PIEZO2: variants seen among roughly 807,000 people sequenced by gnomAD.
PIEZO2 encodes the protein piezo-type mechanosensitive ion channel component 2.
In PIEZO2, 172 loss-of-function variants were observed where a neutral mutation model predicts 337.3. The ratio of observed to expected loss-of-function variants is 0.51; its 90% confidence interval spans 0.45 to 0.58. PIEZO2 has a LOEUF of 0.58. PIEZO2 is among the 20% of genes least tolerant of loss of function. The probability of loss-of-function intolerance (pLI) is 0.00; values close to 1 mark genes in which losing one functional copy is unlikely to be tolerated. For synonymous variants in PIEZO2, 1,251 were observed against 1,228.5 expected (o/e 1.02, Z -0.38); for missense variants, 3,028 against 3,391.3 (o/e 0.89, Z 2.66).
intron 2 of PIEZO2, among the ~76,000 whole-genome samples, chr18:11,062,481 A>C (rs2038001054): frequency 6.6e-6 from 1 of 152,238 alleles, no homozygotes. Context: ...CAACCTACAA[A>C]ATGGGAGAAA....
At chr18:10,703,718 C>T (rs1367021286) in intron 42 of PIEZO2, among the ~76,000 whole-genome samples, 2 of 151,774 alleles carry the variant, frequency 1.3e-5, no homozygotes, top group African/African-American at 2.4e-5. Flanking sequence ...CATGGGCATT[C>T]GTGATCCTGT....
intron 2 of PIEZO2, among the ~76,000 whole-genome samples, chr18:11,052,240 A>C (rs907315171): frequency 6.6e-6 from 1 of 152,230 alleles, no homozygotes. Context: ...GAACCTCTCC[A>C]GATTAATCTC....
At chr18:10,880,548 C>CT (rs2042382506) in intron 4 of PIEZO2, among the ~76,000 whole-genome samples, 1 of 151,968 alleles carries the variant, frequency 6.6e-6, no homozygotes, top group Non-Finnish European at 1.5e-5. Context: ...CAAAGAACAA[C>CT]TTTTGGGGGC....
At chr18:11,023,241 A>T (rs2584745) in intron 2 of PIEZO2, among the ~76,000 whole-genome samples, 75,624 of 151,882 alleles carry the variant, frequency 0.5, 19,085 homozygotes, top group African/African-American at 0.58. Flanking sequence ...CCCACCCACA[A>T]CCTGCTGATT....
In PIEZO2 at chr18:11,048,863, C is replaced by T. The variant is rs935793242; in HGVS notation, c.160+17264G>A. Among the ~76,000 whole-genome samples, 13 of 152,264 alleles carry T rather than the reference C, an allele frequency of 8.5e-5. No individual in the cohort carries two copies. In the East Asian group the frequency reaches 1.9e-3, roughly 23 times the overall value. ...TATTCTTCTTATAATTAATAATCTGCACTTTTTGAAAGTTAAATATAAATT... is the reference window on the plus strand; with the variant it reads ...TATTCTTCTTATAATTAATAATCTGTACTTTTTGAAAGTTAAATATAAATT... On this transcript the variant is annotated intron_variant, in intron 2 of 55. Coordinates refer to ENST00000674853, the MANE Select transcript of PIEZO2 (RefSeq NM_001378183.1). This position sits in a 1 kb window ranked among gnomAD's most constrained non-coding sequence, Gnocchi z 4.5.
Position 11,056,707 on chromosome 18 carries a change from T to A in PIEZO2, c.160+9420A>T, listed in dbSNP as rs1026626672. On this transcript the variant is annotated intron_variant, in intron 2 of 55. Coordinates refer to ENST00000674853, the MANE Select transcript of PIEZO2 (RefSeq NM_001378183.1). ...TCAAGAACGAGGGCCATCCAGGAGC[T>A]GCTAGACCTTCAGGAGAAGGTCCAG... Among the ~76,000 whole-genome samples, 6 of 152,098 alleles carry A rather than the reference T, an allele frequency of 3.9e-5. No homozygotes were observed. The East Asian group carries it at 9.7e-4, about 25-fold the overall frequency.
At chr18:10,946,383 C>G (rs1474220433) in intron 3 of PIEZO2, among the ~76,000 whole-genome samples, 1 of 152,160 alleles carries the variant, frequency 6.6e-6, no homozygotes, top group African/African-American at 2.4e-5. Context: ...ACAAACATAT[C>G]TTTCAAAAAT....
chr18:10,918,871 A>T (rs771177747), intron 3 of PIEZO2, among the ~76,000 whole-genome samples: 1 of 151,928 alleles, frequency 6.6e-6, no homozygotes, highest in Non-Finnish European at 1.5e-5. Flanking sequence ...TTATATCTAC[A>T]TTTTTGCTGT....
Position 11,049,142 on chromosome 18 carries a change from C to T in PIEZO2, c.160+16985G>A, listed in dbSNP as rs147763258. On this transcript the variant is annotated intron_variant, in intron 2 of 55. Coordinates refer to ENST00000674853, the MANE Select transcript of PIEZO2 (RefSeq NM_001378183.1). Reference sequence around the variant, plus strand: ...CCCTAAGAAGTCAAAGGAGGAGCTACGGTTTCCTCCTCTTGAGGGCTTTAT... The same window carrying T: ...CCCTAAGAAGTCAAAGGAGGAGCTATGGTTTCCTCCTCTTGAGGGCTTTAT... 4.3e-3 allele frequency among the ~76,000 whole-genome samples: 661 copies of T among 152,310 alleles called. 4 individuals carry two copies. Among genetic ancestry groups the T allele is most frequent in the African/African-American group, 0.013 (559 of 41,564 alleles).
intron 3 of PIEZO2, among the ~76,000 whole-genome samples, chr18:10,956,467 C>T (rs1282098701): frequency 6.6e-6 from 1 of 152,140 alleles, no homozygotes; most frequent in African/African-American, 2.4e-5. Context: ...AAGCCATCCA[C>T]AGATTCAATG....
rs574405883 is a variant in PIEZO2, at chr18:10,712,174, C to G, written c.5423+2590G>C. Among the ~76,000 whole-genome samples the G allele has an allele frequency of 1.4e-3, 209 of 152,334 alleles. 4 individuals carry two copies. The highest frequency in any genetic ancestry group is 2.4e-4 in the Non-Finnish European group (16 of 68,030). On this transcript the variant is annotated intron_variant, in intron 39 of 55. Transcript: ENST00000674853. ...CGTTCACCCTGTAACTAGGAAGCAGCACCAGTCAGCATCTCGAGTGCTCAC... is the reference window on the plus strand; with the variant it reads ...CGTTCACCCTGTAACTAGGAAGCAGGACCAGTCAGCATCTCGAGTGCTCAC...
chr18:10,971,685 TA>T, intron 3 of PIEZO2, among the ~76,000 whole-genome samples: 1 of 152,172 alleles, frequency 6.6e-6, no homozygotes, highest in Non-Finnish European at 1.5e-5. Flanking sequence ...TAACCAGAGT[TA>T]GTATATTAGA....
chr18:10,975,100 T>G (rs1003184812), intron 3 of PIEZO2, among the ~76,000 whole-genome samples: 1 of 152,198 alleles, frequency 6.6e-6, no homozygotes, highest in Non-Finnish European at 1.5e-5. Flanking sequence ...AGGAATAGAA[T>G]AATCCCTAGG....
chr18:10,915,130 T>C (rs2030833184), intron 3 of PIEZO2, among the ~76,000 whole-genome samples: 1 of 135,872 alleles, frequency 7.4e-6, no homozygotes, highest in Non-Finnish European at 1.6e-5. Flanking sequence ...TGCCAGTTTC[T>C]GCACCTATCT....
At position 11,031,426 on chromosome 18, in the gene PIEZO2, GA is replaced by G. The variant is rs997493082; in HGVS notation, c.160+34700del. Among the ~76,000 whole-genome samples the G allele has an allele frequency of 2.7e-5, 4 of 150,284 alleles. No individual in the cohort carries two copies. The highest frequency in any genetic ancestry group is 9.8e-5 in the African/African-American group (4 of 40,916). The stretch of plus-strand genomic sequence containing the variant: ...CTCTTAATTCTTACATTTTATACCA[GA>G]AAAAAAAATTAGTGAACACTACTAG... On this transcript the variant is annotated intron_variant, in intron 2 of 55. Transcript: ENST00000674853. The surrounding 1 kb of genome is among the most constrained non-coding windows in gnomAD (Gnocchi z 4.7).
At position 11,016,176 on chromosome 18, in the gene PIEZO2, G is replaced by T. The variant is rs761900856; in HGVS notation, c.161-36516C>A. Among the ~76,000 whole-genome samples the T allele has an allele frequency of 3.4e-4, 52 of 152,256 alleles. 2 individuals carry two copies. The highest frequency in any genetic ancestry group is 3.5e-4 in the Non-Finnish European group (24 of 68,030). ...ATGTAATGAGTACTGTGGGTAAGAG[G>T]GAAGGAAATGAGCCCTTTGACATTC... On this transcript the variant is annotated intron_variant, in intron 2 of 55. Transcript: ENST00000674853. This position sits in a 1 kb window ranked among gnomAD's most constrained non-coding sequence, Gnocchi z 5.6.
intron 1 of PIEZO2, among the ~76,000 whole-genome samples, chr18:11,073,443 T>G (rs1446163628): frequency 1.3e-5 from 2 of 152,194 alleles, no homozygotes; most frequent in African/African-American, 4.8e-5. Context: ...ACATGTGTCC[T>G]TCAGAGAGGC....
chr18:10,946,899 A>G (rs541487366), intron 3 of PIEZO2, among the ~76,000 whole-genome samples: 1 of 152,192 alleles, frequency 6.6e-6, no homozygotes, highest in South Asian at 2.1e-4. Flanking sequence ...AAGATAAATC[A>G]GATGTTGGAA....
At chr18:10,770,994 G>A (rs2038583106) in intron 20 of PIEZO2, among the ~76,000 whole-genome samples, 2 of 152,116 alleles carry the variant, frequency 1.3e-5, no homozygotes, top group South Asian at 4.1e-4. Flanking sequence ...GCCTCCCAAA[G>A]TGCTGGGAGT....
Sources: gnomAD v4.1 joint callset for allele counts (sites outside exome capture counted in the v4.1 genomes callset) on GRCh38, gnomAD v4.1.1 for gene constraint, Gnocchi (gnomAD v3.1) non-coding constraint, MANE v1.5 for transcripts, NCBI Gene and HGNC (gene_info 2026-07-23, HGNC 2026-07-21) for gene names.